ECM2: variants seen among roughly 807,000 people sequenced by gnomAD.
The protein encoded by ECM2 is extracellular matrix protein 2.
In ECM2, 57 loss-of-function variants were observed where a neutral mutation model predicts 67.5. The observed-to-expected ratio is 0.84, with a 90% CI of 0.68 to 1.05. The LOEUF is 1.05. Ranked by LOEUF, ECM2 falls within the 50% of genes least tolerant of loss-of-function variation. ECM2 has a pLI of 0.00. For synonymous variants in ECM2, 258 were observed against 294.5 expected, an observed-to-expected ratio of 0.88 and a Z score of 1.27; for missense variants, 741 against 822.8, an observed-to-expected ratio of 0.90 and a Z score of 1.22.
At position 92,527,618 on chromosome 9, in the gene ECM2, T is replaced by A. The variant is rs117089656; in HGVS notation, c.-27-4725A>T. ...GACAAGCTGTGGGAAATTCCAAGGG[T>A]ATCTAAACTGAAAACCATGAGCATG... On this transcript the variant is annotated intron_variant, in intron 1 of 9. Transcript: ENST00000344604. Among the ~76,000 whole-genome samples the A allele has an allele frequency of 4.9e-3, 749 of 152,222 alleles. 42 individuals carry two copies. In the East Asian group the frequency reaches 0.12, roughly 23 times the overall value.
At chr9:92,518,069 C>T (rs77407046) in intron 2 of ECM2, among the ~76,000 whole-genome samples, 194 bp from the exon 3 acceptor site, 17,543 of 152,176 alleles carry the variant, frequency 0.12, 1,098 homozygotes, top group Middle Eastern at 0.15. Flanking sequence ...CTCCTCTCAG[C>T]CCTTTCACGT....
chr9:92,511,348 A>G (rs1167434468), intron 5 of ECM2, among the ~76,000 whole-genome samples: 1 of 141,236 alleles, frequency 7.1e-6, no homozygotes, highest in Non-Finnish European at 1.5e-5. Flanking sequence ...GCTGGTCTCA[A>G]ACTCCTGACC....
intron 1 of ECM2, among the ~76,000 whole-genome samples, 200 bp from the exon 2 acceptor site, chr9:92,523,093 T>A (rs76005470): frequency 1.3e-5 from 2 of 151,734 alleles, no homozygotes; most frequent in South Asian, 2.1e-4. Context: ...TTTTTTTTTT[T>A]AAATAGAGAT....
chr9:92,556,201 G>GTTGA, the ECM2 span, among the ~76,000 whole-genome samples: 1 of 152,136 alleles, frequency 6.6e-6, no homozygotes, highest in Non-Finnish European at 1.5e-5. Context: ...TGGTTTTGAA[G>GTTGA]TTTCCTTTTG....
intron 2 of ECM2, among the ~76,000 whole-genome samples, chr9:92,522,212 G>A (rs1280426827): frequency 6.6e-6 from 1 of 151,712 alleles, no homozygotes; most frequent in African/African-American, 2.4e-5. Context: ...TCAGCCTCCC[G>A]AGTAGCTGGG....
At chr9:92,548,391 A>G in the ECM2 span, among the ~76,000 whole-genome samples, 1 of 152,230 alleles carries the variant, frequency 6.6e-6, no homozygotes, top group African/African-American at 2.4e-5. Context: ...GAACAAAAGG[A>G]TACCTGAAAT....
chr9:92,511,545 A>T (rs1563976740), intron 5 of ECM2, among the ~76,000 whole-genome samples: 2 of 151,036 alleles, frequency 1.3e-5, no homozygotes, highest in African/African-American at 4.9e-5. Context: ...TAATTTTTAT[A>T]TGAGCCTATT....
intron 9 of ECM2, among the ~76,000 whole-genome samples, chr9:92,498,057 T>C (rs1846458992): frequency 6.6e-6 from 1 of 152,074 alleles, no homozygotes; most frequent in African/African-American, 2.4e-5. Context: ...ATGAGCCAAA[T>C]AAACCTTTTC....
At chr9:92,550,344 C>T in the ECM2 span, among the ~76,000 whole-genome samples, 2 of 150,464 alleles carry the variant, frequency 1.3e-5, no homozygotes, top group African/African-American at 2.5e-5. Context: ...TGCAGTGAGC[C>T]GAGATCGTGC....
upstream of ECM2, among the ~76,000 whole-genome samples, chr9:92,536,909 G>T (rs7872644): frequency 0.43 from 62,339 of 144,336 alleles, 15,237 homozygotes; most frequent in African/African-American, 0.68. Flanking sequence ...TTGCTCTGTT[G>T]CCCAGGCTAG....
the ECM2 span, among the ~76,000 whole-genome samples, chr9:92,543,283 C>T: frequency 6.6e-6 from 1 of 151,890 alleles, no homozygotes; most frequent in Admixed American, 6.6e-5. Context: ...ACCAGCCTGG[C>T]CAACATGGTG....
At chr9:92,511,107 C>T (rs574744248) in intron 5 of ECM2, among the ~76,000 whole-genome samples, 1 of 152,106 alleles carries the variant, frequency 6.6e-6, no homozygotes, top group Non-Finnish European at 1.5e-5. Flanking sequence ...CTCTGAAATT[C>T]CTTGAATTCT....
In ECM2 at chr9:92,495,609, T is replaced by C; in HGVS notation, c.*706A>G. Reference sequence around the variant, plus strand: ...GTAATCTTAATATACTGTTTAACTTTAAAAAATAATTTTAGAATTATAGAA... The same window carrying C: ...GTAATCTTAATATACTGTTTAACTTCAAAAAATAATTTTAGAATTATAGAA... On this transcript the variant is annotated 3_prime_UTR_variant, in exon 10 of 10. Coordinates refer to ENST00000344604, the MANE Select transcript of ECM2 (RefSeq NM_001393.4). The C allele has an allele frequency of 2.1e-6, 2 of 961,594 alleles. No individual in the cohort carries two copies. Among genetic ancestry groups the C allele is most frequent in the African/African-American group, 3.5e-5 (2 of 56,910 alleles). 59.6% of individuals were successfully genotyped at this position (961,594 alleles called of 1,614,324 possible). A position where few individuals can be genotyped will look rare whatever the true frequency, so the allele number is the denominator to read the frequency against.
intron 5 of ECM2, among the ~76,000 whole-genome samples, chr9:92,511,247 T>G (rs1252702694): frequency 1.3e-5 from 2 of 152,072 alleles, no homozygotes; most frequent in Non-Finnish European, 2.9e-5. Flanking sequence ...TGCCTCAGCC[T>G]CCCGAGTAGC....
the ECM2 span, among the ~76,000 whole-genome samples, chr9:92,551,925 G>GTGTGTATATA: frequency 1.2e-5 from 1 of 84,568 alleles, no homozygotes; most frequent in African/African-American, 8.1e-5. Flanking sequence ...TGGTGTGTGT[G>GTGTGTATATA]TATATATATA....
At chr9:92,510,760 A>G (rs954327638) in intron 5 of ECM2, among the ~76,000 whole-genome samples, 9 of 152,226 alleles carry the variant, frequency 5.9e-5, no homozygotes. Flanking sequence ...GAGAATTCCA[A>G]AGCAAGAAAA....
At chr9:92,557,847 G>A in the ECM2 span, among the ~76,000 whole-genome samples, 2 of 152,064 alleles carry the variant, frequency 1.3e-5, no homozygotes, top group Admixed American at 6.6e-5. Flanking sequence ...ATTTCAACAT[G>A]TTGGCCAGGA....
intron 3 of ECM2, among the ~76,000 whole-genome samples, 197 bp from the exon 4 acceptor site, chr9:92,515,400 A>C (rs1847640501): frequency 6.6e-6 from 1 of 152,222 alleles, no homozygotes; most frequent in African/African-American, 2.4e-5. Context: ...TATCTGTTAC[A>C]TTTTATTCAC....
Position 92,522,708 on chromosome 9 carries a change from A to C in ECM2, c.159T>G (p.Leu53=). The change falls in exon 2 of 10, where the codon CTT becomes CTG. Residue 53 remains leucine, a synonymous_variant. Transcript: ENST00000344604. ...TAAAAACTGTTGTTTGCTGAATTCC[A>C]AGCTGTCTGTTTGATCTGTGCTTGT... ...TSHKHRSNRQ[L]GIQQTTVFTP... is the part of the protein sequence containing the mutation. 6.2e-7 allele frequency: 1 copy of C among 1,614,190 alleles called. No homozygotes were observed. The highest frequency in any genetic ancestry group is 8.5e-7 in the Non-Finnish European group (1 of 1,180,026).
Sources: gnomAD v4.1 joint callset for allele counts (sites outside exome capture counted in the v4.1 genomes callset) on GRCh38, gnomAD v4.1.1 for gene constraint, MANE v1.5 for transcripts, NCBI Gene and HGNC (gene_info 2026-07-23, HGNC 2026-07-21) for gene names.